Variants in ADGRG6 observed in about 807,000 individuals in gnomAD.
ADGRG6 encodes G-protein coupled receptor 126.
A neutral mutation model predicts 142.4 loss-of-function variants in ADGRG6; 84 were observed. The ratio of observed to expected loss-of-function variants is 0.59; its 90% CI spans 0.49 to 0.71. The LOEUF is 0.71. Ranked by LOEUF, ADGRG6 falls within the 30% of genes least tolerant of loss-of-function variation. The pLI, the probability that ADGRG6 is intolerant of heterozygous loss-of-function variation, is 0.00. For synonymous variants in ADGRG6, 521 were observed against 520.5 expected, an observed-to-expected ratio of 1.00 and a Z score of -0.01; for missense variants, 1,367 against 1,466.6, an observed-to-expected ratio of 0.93 and a Z score of 1.11.
chr6:142,343,097 A>T lies in ADGRG6; in HGVS notation c.104-24472A>T, dbSNP rs139374433. Among the ~76,000 whole-genome samples, 11 of 151,902 alleles carry T rather than the reference A, an allele frequency of 7.2e-5. No individual in the cohort carries two copies. In the East Asian group the frequency reaches 1.9e-3, roughly 27 times the overall value. ...TGTAAATATAAGCTTATAAAAATGTATTATCTGCATTCTCTGCAAAATCAG... is the reference window on the plus strand; with the variant it reads ...TGTAAATATAAGCTTATAAAAATGTTTTATCTGCATTCTCTGCAAAATCAG... On this transcript the variant is annotated intron_variant, in intron 2 of 24. Coordinates refer to ENST00000367609, the MANE Select transcript of ADGRG6 (RefSeq NM_198569.3).
intron 2 of ADGRG6, among the ~76,000 whole-genome samples, chr6:142,344,327 A>G (rs1269749709): frequency 6.6e-6 from 1 of 151,976 alleles, no homozygotes; most frequent in Non-Finnish European, 1.5e-5. Context: ...TTTGCAGTGA[A>G]AAGATTTTTG....
chr6:142,302,051 C>T lies in ADGRG6; in HGVS notation c.-279C>T. 5.7e-6 allele frequency: 3 copies of T among 524,942 alleles called. No individual in the cohort carries two copies. The highest frequency in any genetic ancestry group is 3.0e-5 in the South Asian group (1 of 33,414). The allele number at this position is 524,942 out of a possible 1,614,324, so 32.5% of individuals were successfully genotyped here. On this transcript the variant is annotated 5_prime_UTR_variant, in exon 1 of 25. Coordinates refer to ENST00000367609, the MANE Select transcript of ADGRG6 (RefSeq NM_198569.3). ...CCCCACGCACACCCTACTTCCTCAGCTTCTCGCCCTCACCCTGCCAACTTC... is the reference window on the plus strand; with the variant it reads ...CCCCACGCACACCCTACTTCCTCAGTTTCTCGCCCTCACCCTGCCAACTTC...
chr6:142,397,521 C>A, intron 9 of ADGRG6, 92 bp from the exon 10 acceptor site: 1 of 1,120,230 alleles, frequency 8.9e-7, no homozygotes, highest in South Asian at 1.4e-5. Context: ...AGGTGATGGT[C>A]ATCCCTCTAC....
At chr6:142,410,732 C>T (rs1776040771) in intron 17 of ADGRG6, among the ~76,000 whole-genome samples, 1 of 152,038 alleles carries the variant, frequency 6.6e-6, no homozygotes, top group South Asian at 2.1e-4. Flanking sequence ...TTAAAAGTAT[C>T]ACTTTATTAT....
At chr6:142,398,974 T>C (rs919396808) in intron 10 of ADGRG6, among the ~76,000 whole-genome samples, 1 of 152,168 alleles carries the variant, frequency 6.6e-6, no homozygotes, top group African/African-American at 2.4e-5. Context: ...GCACATTCCC[T>C]GGAACTGGAA....
intron 22 of ADGRG6, among the ~76,000 whole-genome samples, chr6:142,426,462 G>C (rs780256973): frequency 6.6e-6 from 1 of 152,120 alleles, no homozygotes. Flanking sequence ...CATGGTCTTG[G>C]GCAGCTCCAT....
chr6:142,317,719 T>TATAAA (rs1554230394), intron 2 of ADGRG6, among the ~76,000 whole-genome samples: 1 of 111,646 alleles, frequency 9.0e-6, no homozygotes, highest in East Asian at 2.2e-4. Flanking sequence ...TATATTTATA[T>TATAAA]TATATATTAA....
intron 22 of ADGRG6, among the ~76,000 whole-genome samples, chr6:142,436,428 G>C (rs1777488873): frequency 6.6e-6 from 1 of 152,112 alleles, no homozygotes; most frequent in African/African-American, 2.4e-5. Context: ...TATTGGAGTT[G>C]CCATCATTCT....
intron 2 of ADGRG6, among the ~76,000 whole-genome samples, chr6:142,325,154 G>A (rs1778707062): frequency 6.6e-6 from 1 of 152,134 alleles, no homozygotes. Context: ...ACCTTCCCAA[G>A]CAGTTGGTAA....
rs763469625 is a variant in ADGRG6 at position 142,370,565 on chromosome 6, A to G, written c.841A>G (p.Ile281Val). 1.2e-6 allele frequency: 2 copies of G among 1,612,842 alleles called. No individual in the cohort carries two copies. The highest frequency in any genetic ancestry group is 1.7e-5 in the Admixed American group (1 of 59,974). The change falls in exon 4 of 25, where the codon ATT becomes GTT. Residue 281 changes from isoleucine to valine, a missense_variant. Physicochemically the swap from Ile to Val is conservative, Grantham distance 29 (BLOSUM62 3). This residue lies in a region of ADGRG6 where 737 missense variants were observed against 746.5 expected (regional missense o/e 0.99). Transcript: ENST00000367609. The part of the protein sequence containing the change: ...NYETVPCDST[I>V]SKVIPGNGKL... ...TGAAACAGTTCCATGTGATTCTACC[A>G]TTAGTAAAGTTATTCCTGGGAATGG...
At chr6:142,430,069 A>G (rs1777136724) in intron 22 of ADGRG6, among the ~76,000 whole-genome samples, 1 of 151,644 alleles carries the variant, frequency 6.6e-6, no homozygotes. Flanking sequence ...AAAAAGAAAA[A>G]CAAAAACAAA....
chr6:142,353,249 A>T (rs961379810), intron 2 of ADGRG6, among the ~76,000 whole-genome samples: 1 of 152,140 alleles, frequency 6.6e-6, no homozygotes, highest in African/African-American at 2.4e-5. Flanking sequence ...TTTTATTTAA[A>T]ATAAATTTTA....
intron 20 of ADGRG6, among the ~76,000 whole-genome samples, 163 bp downstream of exon 20, chr6:142,416,227 C>G (rs1776352821): frequency 6.6e-6 from 1 of 151,208 alleles, no homozygotes. Context: ...GGGACATCTT[C>G]ACAACTTTAT....
intron 2 of ADGRG6, among the ~76,000 whole-genome samples, chr6:142,326,091 A>G (rs984661000): frequency 2.6e-5 from 4 of 152,084 alleles, no homozygotes; most frequent in Admixed American, 2.6e-4. Flanking sequence ...TGTTTGCAAA[A>G]TATGCATGCC....
chr6:142,382,033 A>C lies in ADGRG6; in HGVS notation c.1138+14A>C. 6.5e-7 allele frequency: 1 copy of C among 1,532,062 alleles called. No individual in the cohort carries two copies. Among genetic ancestry groups the C allele is most frequent in the African/African-American group, 1.4e-5 (1 of 73,434 alleles). 94.9% of individuals were successfully genotyped at this position (1,532,062 alleles called of 1,614,324 possible). On this transcript the variant is annotated intron_variant, in intron 5 of 24. Transcript: ENST00000367609. The stretch of plus-strand genomic sequence containing the variant: ...CCCTCTGTCAAGGTAGGGAGCCCAC[A>C]CCGTGCTCTGGAATCTCTTTGCTTT...
intron 16 of ADGRG6, among the ~76,000 whole-genome samples, chr6:142,408,528 A>G (rs533240599): frequency 2.0e-5 from 3 of 152,284 alleles, no homozygotes; most frequent in African/African-American, 7.2e-5. Context: ...TTTTTCAGAT[A>G]TAACATATAT....
intron 2 of ADGRG6, among the ~76,000 whole-genome samples, chr6:142,360,938 C>T (rs1282673954): frequency 1.3e-5 from 2 of 152,194 alleles, no homozygotes; most frequent in Non-Finnish European, 2.9e-5. Context: ...AGGCATGAGC[C>T]ACTGCGCCCA....
At chr6:142,398,951 T>G (rs976285315) in intron 10 of ADGRG6, among the ~76,000 whole-genome samples, 19 of 152,140 alleles carry the variant, frequency 1.2e-4, no homozygotes, top group Non-Finnish European at 4.4e-5. Flanking sequence ...TTCCCACATA[T>G]TTCCAGAACC....
At chr6:142,400,801 T>G in intron 11 of ADGRG6, 1 of 491,948 alleles carries the variant, frequency 2.0e-6, no homozygotes, top group Non-Finnish European at 3.6e-6. Context: ...CCCAGCCACA[T>G]GCTAATCAAG....
Sources: allele counts gnomAD v4.1 joint callset (sites outside exome capture counted in the v4.1 genomes callset), GRCh38; gene constraint gnomAD v4.1.1; regional missense constraint gnomAD v4.1.1; transcripts MANE v1.5; gene names NCBI Gene and HGNC (gene_info 2026-07-23, HGNC 2026-07-21).